Variants in CFAP77 observed in about 807,000 individuals in gnomAD.
CFAP77 encodes the protein cilia- and flagella-associated protein 77.
Under a neutral mutation model 31.1 loss-of-function variants are expected in CFAP77, and 25 were observed. That is an observed-to-expected ratio of 0.80 (90% CI 0.59 to 1.12). CFAP77 has a LOEUF of 1.12. Among genes scored for constraint, CFAP77 ranks in the 50% most tolerant of loss-of-function variants. The pLI is 0.00. For missense variants in CFAP77, 377 were observed against 397.3 expected (o/e 0.95, Z 0.44); for synonymous variants, 151 against 159.9 (o/e 0.94, Z 0.42).
chr9:132,561,315 TA>T (rs1354590938), intron 5 of CFAP77, among the ~76,000 whole-genome samples: 1 of 151,520 alleles, frequency 6.6e-6, no homozygotes, highest in African/African-American at 2.4e-5. Flanking sequence ...TGCCTGTCAT[TA>T]TTTTTTTTTT....
chr9:132,469,910 G>C (rs1305775565), intron 1 of CFAP77, among the ~76,000 whole-genome samples: 3 of 150,466 alleles, frequency 2.0e-5, no homozygotes, highest in Non-Finnish European at 2.9e-5. Context: ...TGTGATCACG[G>C]CTCACCACAA....
At chr9:132,423,924 T>C (rs1349394526) in intron 1 of CFAP77, among the ~76,000 whole-genome samples, 7 of 152,192 alleles carry the variant, frequency 4.6e-5, no homozygotes, top group African/African-American at 1.7e-4. Flanking sequence ...ATCCAGTTAA[T>C]CCATGTGCTT....
chr9:132,461,031 G>T (rs935406385), intron 1 of CFAP77, among the ~76,000 whole-genome samples: 4 of 151,888 alleles, frequency 2.6e-5, no homozygotes, highest in African/African-American at 9.7e-5. Context: ...TGGCCAAAAG[G>T]GTCAATTTTA....
intron 1 of CFAP77, among the ~76,000 whole-genome samples, chr9:132,450,989 G>A (rs1168283002): frequency 6.6e-6 from 1 of 152,160 alleles, no homozygotes; most frequent in Non-Finnish European, 1.5e-5. Context: ...TTGAGCAATG[G>A]CAGTGCCTCC....
At chr9:132,439,288 G>T (rs1850573296) in intron 1 of CFAP77, among the ~76,000 whole-genome samples, 1 of 152,204 alleles carries the variant, frequency 6.6e-6, no homozygotes, top group Non-Finnish European at 1.5e-5. Context: ...GGTAGAAGCT[G>T]CTAAGCCAGA....
intron 3 of CFAP77, among the ~76,000 whole-genome samples, chr9:132,507,729 C>G (rs925595650): frequency 2.6e-5 from 4 of 152,160 alleles, no homozygotes; most frequent in Admixed American, 6.5e-5. Flanking sequence ...ATAATAAGCC[C>G]TTTCCCCAGC....
intron 1 of CFAP77, among the ~76,000 whole-genome samples, chr9:132,435,473 G>C (rs928481252): frequency 6.6e-6 from 1 of 152,146 alleles, no homozygotes; most frequent in South Asian, 2.1e-4. Flanking sequence ...ATAACGACAC[G>C]CTAGGAAAAG....
At chr9:132,529,838 G>A (rs11243814) in intron 3 of CFAP77, among the ~76,000 whole-genome samples, 10,086 of 144,804 alleles carry the variant, frequency 0.07, 451 homozygotes, top group South Asian at 0.12. Flanking sequence ...AAAAAAAAAA[G>A]AAAAGAAAAG....
rs367776595 is a variant in CFAP77, at chr9:132,566,874, G to A, written c.733-5514G>A. On this transcript the variant is annotated intron_variant, in intron 5 of 5. Transcript: ENST00000393216. ...GGCACATTCAAGTCCCTCCTGGCAT[G>A]AGAAGTCCTTGCTGGCCGCTGGAGG... is the stretch of plus-strand genomic sequence containing the variant. Among the ~76,000 whole-genome samples, 25 of 152,306 alleles carry A rather than the reference G, an allele frequency of 1.6e-4. No individual in the cohort carries two copies. In the East Asian group the frequency reaches 3.1e-3, roughly 19 times the overall value.
intron 5 of CFAP77, 150 bp downstream of exon 5, chr9:132,543,197 C>T: frequency 1.5e-6 from 1 of 663,688 alleles, no homozygotes; most frequent in Non-Finnish European, 2.7e-6. Flanking sequence ...GCTAATGTTT[C>T]CTGAGCACTT....
intron 3 of CFAP77, among the ~76,000 whole-genome samples, chr9:132,516,590 T>TACACACAC (rs34683089): frequency 0.069 from 10,041 of 144,968 alleles, 381 homozygotes; most frequent in South Asian, 0.098. Context: ...CACACAGAAA[T>TACACACAC]ACACACACAC....
rs376562012 is a variant in CFAP77 at position 132,455,704 on chromosome 9, C to T, written c.196-42991C>T. Among the ~76,000 whole-genome samples, 1 of 152,074 alleles carries T rather than the reference C, an allele frequency of 6.6e-6. No individual in the cohort carries two copies. Among genetic ancestry groups the T allele is most frequent in the Non-Finnish European group, 1.5e-5 (1 of 68,026 alleles). ...TGAGATCGCACTACTGCACTCTGGC[C>T]TGGGTGACAGAGCAAGACTGTCTCA... On this transcript the variant is annotated intron_variant, in intron 1 of 5. Transcript: ENST00000393216. This position sits in a 1 kb window ranked among gnomAD's most constrained non-coding sequence, Gnocchi z 4.1.
intron 1 of CFAP77, among the ~76,000 whole-genome samples, chr9:132,438,076 A>T (rs1280820454): frequency 6.6e-6 from 1 of 151,010 alleles, no homozygotes; most frequent in African/African-American, 2.4e-5. Flanking sequence ...GTGGTGGGCT[A>T]CTGTAATCCC....
rs1851445972 is a variant in CFAP77, at chr9:132,481,477, T to G, written c.196-17218T>G. Among the ~76,000 whole-genome samples the G allele has an allele frequency of 6.6e-6, 1 of 152,222 alleles. No homozygotes were observed. Among genetic ancestry groups the G allele is most frequent in the South Asian group, 2.1e-4 (1 of 4,832 alleles). Reference sequence around the variant, plus strand: ...CTCCCCAGCAAGATTTCATCCATCTTTGTGTGCTCAAGGTACCGAGCACAG... The same window carrying G: ...CTCCCCAGCAAGATTTCATCCATCTGTGTGTGCTCAAGGTACCGAGCACAG... On this transcript the variant is annotated intron_variant, in intron 1 of 5. Coordinates refer to ENST00000393216, the MANE Select transcript of CFAP77 (RefSeq NM_001282957.2). This position sits in a 1 kb window ranked among gnomAD's most constrained non-coding sequence, Gnocchi z 5.0.
intron 1 of CFAP77, among the ~76,000 whole-genome samples, chr9:132,454,711 C>A (rs567165017): frequency 6.3e-4 from 96 of 152,340 alleles, no homozygotes; most frequent in African/African-American, 2.2e-3. Flanking sequence ...GCAACAGTAT[C>A]CTAGCTTTGA....
intron 1 of CFAP77, among the ~76,000 whole-genome samples, chr9:132,454,195 T>C (rs974806589): frequency 6.6e-6 from 1 of 152,122 alleles, no homozygotes; most frequent in Non-Finnish European, 1.5e-5. Context: ...TTCCTAGTTA[T>C]TACTGCAGTA....
At chr9:132,531,152 C>CCTA (rs1489168442) in intron 3 of CFAP77, among the ~76,000 whole-genome samples, 2 of 152,182 alleles carry the variant, frequency 1.3e-5, no homozygotes, top group Admixed American at 6.5e-5. Context: ...AAGTTTATCT[C>CCTA]CTAAAATTCT....
chr9:132,528,599 C>T (rs1310588731), intron 3 of CFAP77, among the ~76,000 whole-genome samples: 1 of 130,572 alleles, frequency 7.7e-6, no homozygotes. Context: ...ATTTTCGCAA[C>T]CTACTCATCT....
chr9:132,437,361 C>T (rs749483474), intron 1 of CFAP77, among the ~76,000 whole-genome samples: 85 of 152,064 alleles, frequency 5.6e-4, no homozygotes, highest in Non-Finnish European at 1.2e-3. Flanking sequence ...AACAGAAAGA[C>T]GGCCAGTATT....
Sources: gnomAD v4.1 joint callset for allele counts (sites outside exome capture counted in the v4.1 genomes callset) on GRCh38, gnomAD v4.1.1 for gene constraint, Gnocchi (gnomAD v3.1) non-coding constraint, MANE v1.5 for transcripts, NCBI Gene and HGNC (gene_info 2026-07-23, HGNC 2026-07-21) for gene names.